The following PEAK1 variants were observed in gnomAD, a reference collection of about 807,000 sequenced individuals.
PEAK1 encodes pseudopodium enriched atypical kinase 1.
Under a neutral mutation model 124.7 loss-of-function variants are expected in PEAK1, and 54 were observed. That is an observed-to-expected ratio of 0.43 (90% confidence interval 0.35 to 0.54). The LOEUF is 0.54. PEAK1 is among the 20% of genes least tolerant of loss of function. The pLI is 0.01. For synonymous variants in PEAK1, 719 were observed against 760.0 expected, an observed-to-expected ratio of 0.95 and a Z score of 0.89; for missense variants, 2,046 against 2,134.5, an observed-to-expected ratio of 0.96 and a Z score of 0.82.
intron 2 of PEAK1, chr15:77,346,615 G>A (rs1219002776): frequency 1.0e-5 from 10 of 984,758 alleles, no homozygotes; most frequent in Non-Finnish European, 1.2e-5. Flanking sequence ...AATTCAACTA[G>A]GAGACAAAAC....
intron 6 of PEAK1, among the ~76,000 whole-genome samples, chr15:77,183,221 G>A (rs928784417): frequency 2.6e-5 from 4 of 152,104 alleles, no homozygotes; most frequent in African/African-American, 7.2e-5. Flanking sequence ...CCATTGGAAC[G>A]CCAGTCACAC....
chr15:77,243,516 T>TA (rs1177332772), intron 6 of PEAK1, among the ~76,000 whole-genome samples: 1 of 152,232 alleles, frequency 6.6e-6, no homozygotes, highest in African/African-American at 2.4e-5. Context: ...ATTTGAACAG[T>TA]AGGTGGCACA....
chr15:77,232,970 C>G (rs189167529), intron 6 of PEAK1, among the ~76,000 whole-genome samples: 1 of 152,258 alleles, frequency 6.6e-6, no homozygotes, highest in Admixed American at 6.5e-5. Flanking sequence ...TGGTCTCGGA[C>G]TCCTAACCTC....
At chr15:77,239,963 C>T (rs1315727054) in intron 6 of PEAK1, 3 of 434,264 alleles carry the variant, frequency 6.9e-6, no homozygotes, top group Non-Finnish European at 9.2e-6. Context: ...AATAGATGAG[C>T]ACTTTTAAGT....
At chr15:77,105,287 A>C (rs117087606), downstream of PEAK1, 846 of 152,732 alleles carry the variant, frequency 5.5e-3, 3 homozygotes, top group Middle Eastern at 0.017. Flanking sequence ...GCTTCCATGC[A>C]GCTCCCAGAG....
At chr15:77,250,596 CT>C (rs2152924660) in intron 6 of PEAK1, among the ~76,000 whole-genome samples, 1 of 152,076 alleles carries the variant, frequency 6.6e-6, no homozygotes, top group Non-Finnish European at 1.5e-5. Context: ...CCATACCAGG[CT>C]AATTTTTTTT....
intron 6 of PEAK1, among the ~76,000 whole-genome samples, chr15:77,228,262 A>C (rs2059764443): frequency 6.6e-6 from 1 of 152,130 alleles, no homozygotes; most frequent in East Asian, 1.9e-4. Flanking sequence ...GTTGCATTAT[A>C]ATACCACGAT....
intron 8 of PEAK1, among the ~76,000 whole-genome samples, chr15:77,139,348 G>A (rs1188497963): frequency 6.6e-6 from 1 of 152,232 alleles, no homozygotes; most frequent in Non-Finnish European, 1.5e-5. Context: ...ACACTTTAAA[G>A]TTATGGTAAT....
chr15:77,258,564 G>A (rs539634859), intron 5 of PEAK1, among the ~76,000 whole-genome samples: 3,747 of 152,070 alleles, frequency 0.025, 116 homozygotes, highest in African/African-American at 0.073. Context: ...TTGTGATTTT[G>A]TACATTGATT....
chr15:77,157,066 TTG>T (rs1297343346), intron 8 of PEAK1: 2 of 152,236 alleles, frequency 1.3e-5, no homozygotes, highest in Non-Finnish European at 2.9e-5. Flanking sequence ...GTTGTTATGA[TTG>T]TGTTTCCCAA....
At chr15:77,157,155 G>C (rs537873506) in intron 8 of PEAK1, 8 of 152,274 alleles carry the variant, frequency 5.3e-5, no homozygotes, top group African/African-American at 1.9e-4. Flanking sequence ...TTATTTCCAA[G>C]TACACTAGCT....
At position 77,403,615 on chromosome 15, in the gene PEAK1, C is replaced by T. The variant is rs899135527; in HGVS notation, c.-666+16391G>A. On this transcript the variant is annotated intron_variant, in intron 1 of 9. Coordinates refer to ENST00000682557, the MANE Select transcript of PEAK1 (RefSeq NM_001385026.1). Reference sequence around the variant, plus strand: ...TTTATTGGATGTTCATATATCATACCCTATACTAAGTTCTGGGGACATGAA... The same window carrying T: ...TTTATTGGATGTTCATATATCATACTCTATACTAAGTTCTGGGGACATGAA... 8 of 918,102 alleles carry T rather than the reference C, an allele frequency of 8.7e-6. No individual in the cohort carries two copies. The African/African-American group carries it at 1.3e-4, about 14-fold the overall frequency. 56.9% of individuals were successfully genotyped at this position (918,102 alleles called of 1,614,324 possible). A position where few individuals can be genotyped will look rare whatever the true frequency, so the allele number is the denominator to read the frequency against.
At chr15:77,126,046 A>G (rs758775911) in intron 9 of PEAK1, among the ~76,000 whole-genome samples, 8 of 152,226 alleles carry the variant, frequency 5.3e-5, no homozygotes, top group Non-Finnish European at 8.8e-5. Flanking sequence ...CAATAAGCTT[A>G]GTGTTTAATG....
At chr15:77,294,790 C>T (rs1357973663) in intron 2 of PEAK1, among the ~76,000 whole-genome samples, 3 of 151,468 alleles carry the variant, frequency 2.0e-5, no homozygotes, top group Non-Finnish European at 4.4e-5. Context: ...AGTTTTTGAA[C>T]TTGATCTTTT....
intron 9 of PEAK1, among the ~76,000 whole-genome samples, chr15:77,124,741 A>G (rs748559958): frequency 1.3e-5 from 2 of 152,204 alleles, no homozygotes; most frequent in African/African-American, 2.4e-5. Flanking sequence ...GTGGCTTCCC[A>G]CAAAACACAA....
rs185461801 is a variant in PEAK1, at chr15:77,203,015, C to T, written c.-114-20975G>A. On this transcript the variant is annotated intron_variant, in intron 6 of 9. Coordinates refer to ENST00000682557, the MANE Select transcript of PEAK1 (RefSeq NM_001385026.1). ...TCATACCATTGCACTCCAGCCTGGG[C>T]GACAGAGCCAGACCCTGTCTCAGAA... Among the ~76,000 whole-genome samples, 10 of 143,652 alleles carry T rather than the reference C, an allele frequency of 7.0e-5. No homozygotes were observed. In the East Asian group the frequency reaches 1.0e-3, roughly 14 times the overall value. The allele number at this position is 143,652 out of a possible 152,430, so 94.2% of individuals were successfully genotyped here. A position where few individuals can be genotyped will look rare whatever the true frequency, so the allele number is the denominator to read the frequency against.
At chr15:77,255,468 A>C (rs1205878852) in intron 5 of PEAK1, 3 of 777,592 alleles carry the variant, frequency 3.9e-6, no homozygotes, top group African/African-American at 1.9e-5. Flanking sequence ...TTATTTCTTG[A>C]CAATGTTACA....
Position 77,219,321 on chromosome 15 carries a change from A to G in PEAK1, c.-115+33046T>C, listed in dbSNP as rs572274196. ...CCGAAATTTTTCAATAATCTGAATT[A>G]TCACAAAAAGATAAGATTTTTAAAG... On this transcript the variant is annotated intron_variant, in intron 6 of 9. Coordinates refer to ENST00000682557, the MANE Select transcript of PEAK1 (RefSeq NM_001385026.1). Among the ~76,000 whole-genome samples, 41 of 152,278 alleles carry G rather than the reference A, an allele frequency of 2.7e-4. 1 individual carries two copies. In the South Asian group the frequency reaches 5.4e-3, roughly 20 times the overall value.
intron 2 of PEAK1, chr15:77,336,322 G>A (rs1234229280): frequency 6.4e-5 from 63 of 985,264 alleles, no homozygotes; most frequent in Non-Finnish European, 7.2e-5. Flanking sequence ...CTTGCAACGA[G>A]GGCTCACCCT....
Sources: gnomAD v4.1 joint callset for allele counts (sites outside exome capture counted in the v4.1 genomes callset) on GRCh38, gnomAD v4.1.1 for gene constraint, MANE v1.5 for transcripts, NCBI Gene and HGNC (gene_info 2026-07-23, HGNC 2026-07-21) for gene names.